DEK: variants seen among roughly 807,000 people sequenced by gnomAD.
The protein encoded by DEK is protein DEK.
In DEK, 28 loss-of-function variants were observed where a neutral mutation model predicts 46.8. The observed-to-expected ratio is 0.60, with a 90% confidence interval of 0.44 to 0.82. DEK has a LOEUF of 0.82. DEK is among the 40% of genes least tolerant of loss of function. DEK has a pLI of 0.00. For missense variants in DEK, 416 were observed against 430.6 expected (o/e 0.97, Z 0.30); for synonymous variants, 160 against 144.5 (o/e 1.11, Z -0.77).
chr6:18,251,978 AAGT>A (rs1791394885), intron 6 of DEK, among the ~76,000 whole-genome samples: 1 of 152,214 alleles, frequency 6.6e-6, no homozygotes, highest in Admixed American at 6.5e-5. Flanking sequence ...AAAATCCAAA[AAGT>A]AGTAATATAC....
intron 2 of DEK, among the ~76,000 whole-genome samples, 169 bp from the exon 3 acceptor site, chr6:18,258,574 T>C (rs1791704346): frequency 6.6e-6 from 1 of 152,054 alleles, no homozygotes; most frequent in Non-Finnish European, 1.5e-5. Context: ...GATTAATTAA[T>C]AGAGCACCAT....
In DEK at chr6:18,263,956, T is replaced by C. The variant is rs550668487; in HGVS notation, c.32A>G (p.Glu11Gly). ...GGACGCGGGCTGGGTGGGGGTTCCCTCCCCCTCCGCAGCAGGGGCCGAGGC... is the reference window on the plus strand; with the variant it reads ...GGACGCGGGCTGGGTGGGGGTTCCCCCCCCCTCCGCAGCAGGGGCCGAGGC... MSASAPAAEG[E>G]GTPTQPASEK... The change falls in exon 2 of 11, where the codon GAG becomes GGG. Residue 11 changes from glutamate (E) to glycine (G), a missense_variant. Glu to Gly is a moderately conservative substitution (Grantham distance 98, BLOSUM62 -2). Coordinates refer to ENST00000652689, the MANE Select transcript of DEK (RefSeq NM_003472.4). 6.8e-6 allele frequency: 11 copies of C among 1,610,320 alleles called. No homozygotes were observed. Among genetic ancestry groups the C allele is most frequent in the Admixed American group, 3.4e-5 (2 of 59,328 alleles).
At chr6:18,258,573 A>G (rs537936917) in intron 2 of DEK, among the ~76,000 whole-genome samples, 168 bp from the exon 3 acceptor site, 2 of 152,214 alleles carry the variant, frequency 1.3e-5, no homozygotes, top group Non-Finnish European at 2.9e-5. Context: ...TGATTAATTA[A>G]TAGAGCACCA....
Position 18,261,182 on chromosome 6 carries a change from A to AC in DEK, c.145+2660dup, listed in dbSNP as rs112420251. 9.5e-3 allele frequency among the ~76,000 whole-genome samples: 1,450 copies of AC among 152,076 alleles called. 28 individuals carry two copies. Among genetic ancestry groups the AC allele is most frequent in the African/African-American group, 0.033 (1,385 of 41,448 alleles). On this transcript the variant is annotated intron_variant, in intron 2 of 10. Transcript: ENST00000652689. ...ATCCTGAGCTGCCCAAAGCCTTGGG[A>AC]CCCCTCACCCCTTGCACCAGCGTGC...
At chr6:18,260,726 C>A (rs1276976108) in intron 2 of DEK, among the ~76,000 whole-genome samples, 1 of 152,080 alleles carries the variant, frequency 6.6e-6, no homozygotes, top group South Asian at 2.1e-4. Flanking sequence ...CAGGGCCAGG[C>A]GTGGTGGCTC....
Position 18,263,389 on chromosome 6 carries a change from T to C in DEK, c.145+454A>G, listed in dbSNP as rs112571656. 2.2e-3 allele frequency among the ~76,000 whole-genome samples: 330 copies of C among 152,340 alleles called. 2 individuals carry two copies. The highest frequency in any genetic ancestry group is 3.6e-3 in the Non-Finnish European group (244 of 68,026). ...GAAAGTATTCAAATACTTCCGGGTC[T>C]AGCCTTATAACTTCAGTCTTAACGG... On this transcript the variant is annotated intron_variant, in intron 2 of 10. Transcript: ENST00000652689.
chr6:18,261,602 A>C (rs1383735091), intron 2 of DEK, among the ~76,000 whole-genome samples: 1 of 151,244 alleles, frequency 6.6e-6, no homozygotes, highest in Non-Finnish European at 1.5e-5. Flanking sequence ...AACACAGAAA[A>C]ACAAAAACCA....
intron 2 of DEK, among the ~76,000 whole-genome samples, chr6:18,259,430 A>AAAAAT (rs1554162685): frequency 4.1e-5 from 4 of 96,844 alleles, no homozygotes; most frequent in Admixed American, 9.8e-5. Context: ...AAAAAAAAAA[A>AAAAAT]AAATCTAGAA....
intron 9 of DEK, among the ~76,000 whole-genome samples, chr6:18,234,061 A>G (rs1011988437): frequency 1.8e-4 from 27 of 152,170 alleles, no homozygotes; most frequent in Non-Finnish European, 2.6e-4. Flanking sequence ...GCTGGAAACC[A>G]TCATTCTCAG....
chr6:18,251,196 A>AT (rs1791361828), intron 6 of DEK, among the ~76,000 whole-genome samples: 1 of 152,226 alleles, frequency 6.6e-6, no homozygotes, highest in African/African-American at 2.4e-5. Flanking sequence ...CATCTTTTAT[A>AT]TTCTTTTATT....
At chr6:18,234,022 T>C (rs1342555741) in intron 9 of DEK, among the ~76,000 whole-genome samples, 2 of 151,932 alleles carry the variant, frequency 1.3e-5, no homozygotes, top group Non-Finnish European at 2.9e-5. Context: ...AAAGGATGAG[T>C]TCATGTCCTT....
At chr6:18,226,380 G>A in intron 9 of DEK, 138 bp from the exon 10 acceptor site, 1 of 661,282 alleles carries the variant, frequency 1.5e-6, no homozygotes. Flanking sequence ...AACCCATATG[G>A]AATTCTATTC....
chr6:18,231,628 A>C (rs1790417345), intron 9 of DEK, among the ~76,000 whole-genome samples: 1 of 152,352 alleles, frequency 6.6e-6, no homozygotes, highest in East Asian at 1.9e-4. Context: ...GAAATGGATA[A>C]ATTCCTGGAC....
In DEK at chr6:18,256,467, C is replaced by T. The variant is rs1791601954; in HGVS notation, c.358-12G>A. 6.2e-7 allele frequency: 1 copy of T among 1,602,702 alleles called. No individual in the cohort carries two copies. Among genetic ancestry groups the T allele is most frequent in the Non-Finnish European group, 8.5e-7 (1 of 1,173,536 alleles). ...TTTAATGAGGACACCTGAAAATGTT[C>T]CTTATTATTAATGGTATTTATTACC... On this transcript the variant is annotated splice_polypyrimidine_tract_variant and intron_variant, in intron 4 of 10. Transcript: ENST00000652689.
chr6:18,233,196 T>C (rs1048586820), intron 9 of DEK, among the ~76,000 whole-genome samples: 14 of 152,110 alleles, frequency 9.2e-5, no homozygotes, highest in Admixed American at 9.2e-4. Context: ...ATACAAAAAT[T>C]AATTCAAGAT....
intron 7 of DEK, among the ~76,000 whole-genome samples, chr6:18,237,860 C>CTTTTTTTTT (rs60332682): frequency 9.0e-5 from 8 of 88,472 alleles, no homozygotes; most frequent in Non-Finnish European, 1.5e-4. Context: ...CAACTGGAAT[C>CTTTTTTTTT]TTTTTTTTTT....
intron 9 of DEK, among the ~76,000 whole-genome samples, chr6:18,229,275 T>C (rs1372742433): frequency 4.6e-5 from 7 of 152,066 alleles, no homozygotes; most frequent in Admixed American, 1.3e-4. Context: ...ACCACAAAGA[T>C]GGGAAGAAAC....
chr6:18,257,925 G>A lies in DEK; in HGVS notation c.357+28C>T, dbSNP rs566439575. 24 of 1,479,758 alleles carry A rather than the reference G, an allele frequency of 1.6e-5. 1 individual carries two copies. Among genetic ancestry groups the A allele is most frequent in the Non-Finnish European group, 9.2e-6 (10 of 1,083,032 alleles). The allele number at this position is 1,479,758 out of a possible 1,614,324, so 91.7% of individuals were successfully genotyped here. A position where few individuals can be genotyped will look rare whatever the true frequency, so the allele number is the denominator to read the frequency against. ...GATTCCATTGTGAAGTAATATACAA[G>A]TAGGTTTAAAGTGTAAAAAGGTCTT... is the stretch of plus-strand genomic sequence containing the variant. On this transcript the variant is annotated intron_variant, in intron 4 of 10. Transcript: ENST00000652689.
chr6:18,234,845 G>A (rs1790578862), intron 9 of DEK, among the ~76,000 whole-genome samples: 2 of 151,954 alleles, frequency 1.3e-5, no homozygotes, highest in South Asian at 2.1e-4. Context: ...AAAGACAGCT[G>A]CTTGAAACAG....
Sources: allele counts gnomAD v4.1 joint callset (sites outside exome capture counted in the v4.1 genomes callset), GRCh38; gene constraint gnomAD v4.1.1; transcripts MANE v1.5; gene names NCBI Gene and HGNC (gene_info 2026-07-23, HGNC 2026-07-21).